The following FMR1NB variants were observed in gnomAD, a reference collection of about 807,000 sequenced individuals.
The protein encoded by FMR1NB is FMR1 neighbor.
In FMR1NB, 10 loss-of-function variants were observed where a neutral mutation model predicts 16.8. The ratio of observed to expected loss-of-function variants is 0.60; its 90% CI spans 0.37 to 1.01. The LOEUF is 1.01. Ranked by LOEUF, FMR1NB falls within the 50% of genes least tolerant of loss-of-function variation. The pLI, the probability that FMR1NB is intolerant of heterozygous loss-of-function variation, is 0.01. For synonymous variants in FMR1NB, 83 were observed against 79.1 expected, an observed-to-expected ratio of 1.05 and a Z score of -0.26; for missense variants, 205 against 204.8, an observed-to-expected ratio of 1.00 and a Z score of 0.00.
chrX:148,005,213 A>G (rs1426927955), intron 2 of FMR1NB, among the ~76,000 whole-genome samples: 1 of 112,200 alleles, frequency 8.9e-6, no homozygotes, highest in Admixed American at 9.5e-5. Context: ...ATCTAGCATA[A>G]AGTCCATCAG....
intron 1 of FMR1NB, among the ~76,000 whole-genome samples, chrX:147,992,162 T>C (rs1183706233): frequency 9.1e-6 from 1 of 109,638 alleles, no homozygotes; most frequent in African/African-American, 3.3e-5. Context: ...CCGTTCTCAA[T>C]GAGCTGTTGG....
chrX:147,983,406 C>T (rs1243581236), intron 1 of FMR1NB, among the ~76,000 whole-genome samples: 1 of 112,189 alleles, frequency 8.9e-6, no homozygotes, highest in African/African-American at 3.2e-5. Flanking sequence ...TATCTGTCCC[C>T]CTTGTTATAC....
At chrX:148,021,798 G>A (rs900900718) in intron 4 of FMR1NB, among the ~76,000 whole-genome samples, 2 of 84,693 alleles carry the variant, frequency 2.4e-5, no homozygotes, top group Non-Finnish European at 4.4e-5. Context: ...CTTTTTCTCC[G>A]CTTCATTTTT....
intron 2 of FMR1NB, among the ~76,000 whole-genome samples, chrX:148,004,939 G>T (rs1393048928): frequency 2.7e-5 from 3 of 112,429 alleles, no homozygotes; most frequent in African/African-American, 6.5e-5. Context: ...TGCCAGGCTG[G>T]AGTGCAGTGG....
At chrX:148,006,676 C>T in intron 2 of FMR1NB, 26 bp from the exon 3 acceptor site, 1 of 1,185,226 alleles carries the variant, frequency 8.4e-7, no homozygotes, top group Non-Finnish European at 1.1e-6. Context: ...GCTGAATTCT[C>T]TTTCTTAAAT....
At chrX:148,010,427 G>T (rs1385936243) in intron 4 of FMR1NB, among the ~76,000 whole-genome samples, 24 of 111,308 alleles carry the variant, frequency 2.2e-4, no homozygotes, top group Non-Finnish European at 5.6e-5. Flanking sequence ...TAGAGGCAAG[G>T]AGAATAATTG....
At chrX:148,004,330 A>C (rs2044585328) in intron 2 of FMR1NB, among the ~76,000 whole-genome samples, 1 of 112,377 alleles carries the variant, frequency 8.9e-6, no homozygotes, top group Non-Finnish European at 1.9e-5. Context: ...TCACATACTT[A>C]CCTGTAATAA....
At chrX:148,006,921 A>G (rs1557189180) in intron 3 of FMR1NB, 79 bp downstream of exon 3, 9 of 1,033,257 alleles carry the variant, frequency 8.7e-6, no homozygotes, top group Non-Finnish European at 9.2e-6. Flanking sequence ...TCATATTTGG[A>G]TTTCCTAGCT....
At chrX:148,025,106 T>G in intron 5 of FMR1NB, 93 bp downstream of exon 5, 4 of 982,948 alleles carry the variant, frequency 4.1e-6, no homozygotes, top group Non-Finnish European at 5.5e-6. Flanking sequence ...ACTGACACAT[T>G]TTTTTTAACC....
intron 1 of FMR1NB, among the ~76,000 whole-genome samples, chrX:147,995,418 A>G (rs1471222401): frequency 8.9e-6 from 1 of 111,934 alleles, no homozygotes; most frequent in Non-Finnish European, 1.9e-5. Flanking sequence ...AAGTTGAGTG[A>G]CCTGAGGTAA....
At chrX:148,015,336 A>G (rs1372974535) in intron 4 of FMR1NB, among the ~76,000 whole-genome samples, 3 of 110,587 alleles carry the variant, frequency 2.7e-5, no homozygotes, top group Non-Finnish European at 3.8e-5. Flanking sequence ...TTCTGCTCTC[A>G]TCTTTATTAT....
chrX:148,025,150 C>A, intron 5 of FMR1NB, 137 bp downstream of exon 5: 1 of 655,349 alleles, frequency 1.5e-6, no homozygotes, highest in Non-Finnish European at 2.3e-6. Flanking sequence ...GGGCCAGCTT[C>A]TGAACAAATA....
Position 147,981,687 on chromosome X carries a change from C to T in FMR1NB, c.277+8C>T. ...CCTACTACCTGTGCTCCGGTGAGTGCTGGCTCAGGCCAGGCAGGGAAATGC... is the reference window on the plus strand; with the variant it reads ...CCTACTACCTGTGCTCCGGTGAGTGTTGGCTCAGGCCAGGCAGGGAAATGC... On this transcript the variant is annotated splice_region_variant and intron_variant, in intron 1 of 5. Transcript: ENST00000370467. 2 of 909,272 alleles carry T rather than the reference C, an allele frequency of 2.2e-6. No homozygotes were observed. The highest frequency in any genetic ancestry group is 2.8e-6 in the Non-Finnish European group (2 of 719,134). The allele number at this position is 909,272 out of a possible 1,213,427, so 74.9% of individuals were successfully genotyped here. A position where few individuals can be genotyped will look rare whatever the true frequency, so the allele number is the denominator to read the frequency against.
At chrX:147,994,671 A>G (rs2044532849) in intron 1 of FMR1NB, among the ~76,000 whole-genome samples, 1 of 112,104 alleles carries the variant, frequency 8.9e-6, no homozygotes, top group African/African-American at 3.2e-5. Context: ...TCCCACACAA[A>G]AAAGAATACT....
At chrX:148,011,901 G>A (rs2044627450) in intron 4 of FMR1NB, among the ~76,000 whole-genome samples, 1 of 111,564 alleles carries the variant, frequency 9.0e-6, no homozygotes, top group Non-Finnish European at 1.9e-5. Context: ...GACTCAAGCC[G>A]GTTTGAACTG....
At chrX:148,003,053 G>C in intron 1 of FMR1NB, 148 bp from the exon 2 acceptor site, 2 of 582,740 alleles carry the variant, frequency 3.4e-6, no homozygotes, top group Non-Finnish European at 5.2e-6. Context: ...GATTATTAAT[G>C]ATGCTTAAGC....
intron 1 of FMR1NB, among the ~76,000 whole-genome samples, chrX:147,982,810 C>T (rs958931113): frequency 9.1e-6 from 1 of 110,336 alleles, no homozygotes; most frequent in Non-Finnish European, 1.9e-5. Context: ...CGGAGAACGG[C>T]ATGGACCCGG....
chrX:147,984,480 C>A (rs1017841512), intron 1 of FMR1NB, among the ~76,000 whole-genome samples: 9 of 112,257 alleles, frequency 8.0e-5, no homozygotes, highest in African/African-American at 2.9e-4. Context: ...TATGCTATTG[C>A]AAATGGAATG....
intron 1 of FMR1NB, among the ~76,000 whole-genome samples, chrX:147,986,416 T>C (rs2044477106): frequency 8.9e-6 from 1 of 112,208 alleles, no homozygotes; most frequent in African/African-American, 3.2e-5. Context: ...CTGAATGGTA[T>C]TGCCTAGATT....
Sources: gnomAD v4.1 joint callset for allele counts (sites outside exome capture counted in the v4.1 genomes callset) on GRCh38, gnomAD v4.1.1 for gene constraint, MANE v1.5 for transcripts, NCBI Gene and HGNC (gene_info 2026-07-23, HGNC 2026-07-21) for gene names.